The following PBLD variants were observed in gnomAD, a reference collection of about 807,000 sequenced individuals.
PBLD encodes the protein phenazine biosynthesis like protein domain containing.
Under a neutral mutation model 31.3 loss-of-function variants are expected in PBLD, and 26 were observed. The observed-to-expected ratio is 0.83, with a 90% CI of 0.61 to 1.15. The LOEUF (loss-of-function observed/expected upper bound fraction) is 1.15. Ranked by LOEUF, PBLD falls within the 50% of genes most tolerant of loss-of-function variation. PBLD has a pLI of 0.00. For missense variants in PBLD, 307 were observed against 351.7 expected, an observed-to-expected ratio of 0.87 and a Z score of 1.02; for synonymous variants, 114 against 129.0, an observed-to-expected ratio of 0.88 and a Z score of 0.79.
At position 68,285,402 on chromosome 10, in the gene PBLD, G is replaced by A. The variant is rs763559990; in HGVS notation, c.700C>T (p.His234Tyr). 2 of 1,601,730 alleles carry A rather than the reference G, an allele frequency of 1.2e-6. No homozygotes were observed. The highest frequency in any genetic ancestry group is 2.7e-5 in the African/African-American group (2 of 74,190). ...GACCAGTAGCTGCTGAGAACAGCGT[G>A]TGCAGACCCTCAAAAGAAGTGAAAA... ...VAEDPVTGSA[H>Y]AVLSSYWSQH... The change falls in exon 9 of 10, where the codon CAC becomes TAC. Residue 234 changes from histidine (H) to tyrosine (Y), a missense_variant. His to Tyr is a moderately conservative substitution (Grantham distance 83). Coordinates refer to ENST00000358769, the MANE Select transcript of PBLD (RefSeq NM_022129.4).
chr10:68,306,711 C>A, intron 2 of PBLD, 50 bp downstream of exon 2: 1 of 1,510,926 alleles, frequency 6.6e-7, no homozygotes, highest in South Asian at 1.2e-5. Context: ...GTAATTGTTT[C>A]TACAGGAATC....
intron 1 of PBLD, among the ~76,000 whole-genome samples, chr10:68,327,776 A>C (rs1231120504): frequency 1.3e-5 from 2 of 152,184 alleles, no homozygotes; most frequent in African/African-American, 4.8e-5. Flanking sequence ...GACACACTAA[A>C]AGCAGTACAA....
chr10:68,306,711 C>T, intron 2 of PBLD, 50 bp downstream of exon 2: 1 of 1,510,926 alleles, frequency 6.6e-7, no homozygotes. Flanking sequence ...GTAATTGTTT[C>T]TACAGGAATC....
At chr10:68,318,803 C>G (rs968716611) in intron 1 of PBLD, among the ~76,000 whole-genome samples, 1 of 151,664 alleles carries the variant, frequency 6.6e-6, no homozygotes, top group South Asian at 2.1e-4. Flanking sequence ...CAGTGGCTCA[C>G]GTCTATAATC....
intron 1 of PBLD, among the ~76,000 whole-genome samples, chr10:68,309,592 G>A (rs1273800619): frequency 8.7e-5 from 13 of 149,266 alleles, no homozygotes; most frequent in Admixed American, 2.0e-4. Flanking sequence ...GGCAGATCAC[G>A]AGGTCAGGAG....
chr10:68,320,689 T>A (rs974555879), intron 1 of PBLD, among the ~76,000 whole-genome samples: 1 of 151,390 alleles, frequency 6.6e-6, no homozygotes, highest in Non-Finnish European at 1.5e-5. Context: ...TTTATTTTAA[T>A]TTTTTTTTAA....
chr10:68,319,507 AC>A (rs2044800009), intron 1 of PBLD, among the ~76,000 whole-genome samples: 1 of 152,098 alleles, frequency 6.6e-6, no homozygotes, highest in South Asian at 2.1e-4. Context: ...ACATGGTGAA[AC>A]CCCGTCTCTA....
At chr10:68,306,629 A>G in intron 2 of PBLD, 132 bp downstream of exon 2, 2 of 752,650 alleles carry the variant, frequency 2.7e-6, no homozygotes, top group South Asian at 4.6e-5. Flanking sequence ...ATACATGAAC[A>G]TTACTGATAT....
At chr10:68,299,106 C>CAAAAA (rs35915509) in intron 2 of PBLD, among the ~76,000 whole-genome samples, 4 of 78,938 alleles carry the variant, frequency 5.1e-5, no homozygotes, top group Non-Finnish European at 6.8e-5. Flanking sequence ...GAGTCCGTCT[C>CAAAAA]AAAAAAAAAA....
Position 68,296,892 on chromosome 10 carries a change from C to G in PBLD, c.178G>C (p.Ala60Pro). The change falls in exon 3 of 10, where the codon GCA becomes CCA. Residue 60 changes from alanine (A) to proline (P), a missense_variant. Physicochemically the swap from Ala to Pro is conservative, Grantham distance 27. Coordinates refer to ENST00000358769, the MANE Select transcript of PBLD (RefSeq NM_022129.4). ...IRKLHPTDNF[A>P]QSSCFGLRWF... Reference sequence around the variant, plus strand: ...AAAAAAAATGCATATTTACTTTGTGCAAAGTTGTCTGTCGGGTGCAGTTTT... The same window carrying G: ...AAAAAAAATGCATATTTACTTTGTGGAAAGTTGTCTGTCGGGTGCAGTTTT... 6.2e-7 allele frequency: 1 copy of G among 1,611,178 alleles called. No individual in the cohort carries two copies. Among genetic ancestry groups the G allele is most frequent in the South Asian group, 1.1e-5 (1 of 90,670 alleles).
At chr10:68,316,173 GA>G (rs2044734228) in intron 1 of PBLD, among the ~76,000 whole-genome samples, 1 of 152,044 alleles carries the variant, frequency 6.6e-6, no homozygotes, top group South Asian at 2.1e-4. Flanking sequence ...TACTAGACAA[GA>G]ACATTAAATC....
intron 1 of PBLD, among the ~76,000 whole-genome samples, chr10:68,322,267 G>A (rs2044846205): frequency 6.6e-6 from 1 of 152,096 alleles, no homozygotes; most frequent in African/African-American, 2.4e-5. Flanking sequence ...GAGACATGAT[G>A]ACTAATGTAA....
intron 4 of PBLD, among the ~76,000 whole-genome samples, chr10:68,295,734 TGGAGGCCA>T (rs1302494441): frequency 2.0e-5 from 3 of 152,054 alleles, no homozygotes; most frequent in Non-Finnish European, 4.4e-5. Context: ...GATGGATCAC[TGGAGGCCA>T]GGAGTTTGAC....
chr10:68,300,533 C>T (rs1366924901), intron 2 of PBLD, among the ~76,000 whole-genome samples: 1 of 152,160 alleles, frequency 6.6e-6, no homozygotes, highest in Admixed American at 6.5e-5. Context: ...GAGTCCGAGG[C>T]CCCCTGTCTT....
At chr10:68,319,106 A>AGAAG (rs1491543370) in intron 1 of PBLD, among the ~76,000 whole-genome samples, 2 of 136,800 alleles carry the variant, frequency 1.5e-5, no homozygotes, top group African/African-American at 3.0e-5. Context: ...AAAGAAAGAA[A>AGAAG]GAAAGGAAAA....
chr10:68,307,037 T>C (rs922569996), intron 1 of PBLD, 134 bp from the exon 2 acceptor site: 71 of 454,992 alleles, frequency 1.6e-4, no homozygotes, highest in Admixed American at 3.0e-4. Flanking sequence ...AACTTCTTTT[T>C]TCATTTTTTG....
Position 68,306,834 on chromosome 10 carries a change from G to A in PBLD, c.11C>T (p.Pro4Leu), listed in dbSNP as rs755784181. 20 of 1,607,262 alleles carry A rather than the reference G, an allele frequency of 1.2e-5. No homozygotes were observed. The highest frequency in any genetic ancestry group is 1.5e-5 in the Non-Finnish European group (18 of 1,175,140). Residue 4 changes from proline to leucine, a missense_variant, in exon 2 of 10, where the codon CCT becomes CTT. Coordinates refer to ENST00000358769, the MANE Select transcript of PBLD (RefSeq NM_022129.4). MKL[P>L]IFIADAFTAR... ...TGTGAATGCATCTGCTATGAAAATA[G>A]GAAGCTTCATTTTCCTTGCAAGCTG...
chr10:68,293,706 T>G (rs1297910485), intron 4 of PBLD, among the ~76,000 whole-genome samples: 1 of 152,044 alleles, frequency 6.6e-6, no homozygotes, highest in East Asian at 1.9e-4. Context: ...TGGAGTCCAG[T>G]TTTCAAAAGA....
At chr10:68,310,614 A>G (rs1357268258) in intron 1 of PBLD, among the ~76,000 whole-genome samples, 2 of 142,392 alleles carry the variant, frequency 1.4e-5, no homozygotes, top group African/African-American at 5.2e-5. Flanking sequence ...CTCCCCAGCC[A>G]CCCCCACCTC....
Sources: allele counts gnomAD v4.1 joint callset (sites outside exome capture counted in the v4.1 genomes callset), GRCh38; gene constraint gnomAD v4.1.1; transcripts MANE v1.5; gene names NCBI Gene and HGNC (gene_info 2026-07-23, HGNC 2026-07-21).